CSNK1E: variants seen among roughly 807,000 people sequenced by gnomAD.
The protein encoded by CSNK1E is casein kinase 1 epsilon.
In CSNK1E, 17 loss-of-function variants were observed where a neutral mutation model predicts 46.1. The observed-to-expected ratio is 0.37, with a 90% CI of 0.25 to 0.55. The LOEUF is 0.55. CSNK1E is among the 20% of genes least tolerant of loss of function. The pLI is 0.82. For synonymous variants in CSNK1E, 241 were observed against 242.6 expected (o/e 0.99, Z 0.06); for missense variants, 386 against 595.4 (o/e 0.65, Z 3.66).
chr22:38,296,375 G>A, intron 7 of CSNK1E: 2 of 1,394,216 alleles, frequency 1.4e-6, no homozygotes, highest in Non-Finnish European at 9.3e-7. Flanking sequence ...GTGGCTTCCA[G>A]GCCCCAGGGA....
intron 4 of CSNK1E, among the ~76,000 whole-genome samples, chr22:38,301,534 G>A (rs1427186593): frequency 6.6e-6 from 1 of 152,122 alleles, no homozygotes; most frequent in Non-Finnish European, 1.5e-5. Flanking sequence ...CAGGGTTCAA[G>A]TGATTTTCCT....
intron 2 of CSNK1E, 114 bp downstream of exon 2, chr22:38,313,968 A>C: frequency 1.0e-6 from 1 of 988,690 alleles, no homozygotes; most frequent in Non-Finnish European, 1.6e-6. Context: ...CCCTGGGGCA[A>C]ATCATGCCCC....
At chr22:38,296,337 C>T (rs1313169495) in intron 7 of CSNK1E, 10 of 1,351,044 alleles carry the variant, frequency 7.4e-6, no homozygotes, top group Middle Eastern at 2.7e-4. Flanking sequence ...GACTGGACCT[C>T]GGAACACAGT....
chr22:38,315,727 G>A (rs2041097575), intron 1 of CSNK1E, among the ~76,000 whole-genome samples: 1 of 149,260 alleles, frequency 6.7e-6, no homozygotes, highest in African/African-American at 2.5e-5. Context: ...CAGGAAACCC[G>A]CAGGTTAGGA....
chr22:38,312,358 T>A lies in CSNK1E; in HGVS notation c.76+1724A>T, dbSNP rs571072144. ...TGTCTGTCTTGGCTTCCCAAAGTGC[T>A]GGCGTTACAGGTGTGAGCCACCGCA... is the stretch of plus-strand genomic sequence containing the variant. On this transcript the variant is annotated intron_variant, in intron 2 of 10. Transcript: ENST00000396832. Among the ~76,000 whole-genome samples, 4 of 152,388 alleles carry A rather than the reference T, an allele frequency of 2.6e-5. No individual in the cohort carries two copies. In the South Asian group the frequency reaches 8.3e-4, roughly 32 times the overall value.
In CSNK1E at chr22:38,290,829, C is replaced by G. The variant is rs955298301; in HGVS notation, c.*1142G>C. ...TTTTTTTTTTCAGTTTTTTAAATTA[C>G]AAAGTAATAAAAAGCTTTGCTCTTT... On this transcript the variant is annotated 3_prime_UTR_variant, in exon 11 of 11. Coordinates refer to ENST00000396832, the MANE Select transcript of CSNK1E (RefSeq NM_152221.3). 9.4e-6 allele frequency: 1 copy of G among 106,142 alleles called. No individual in the cohort carries two copies. The highest frequency in any genetic ancestry group is 2.0e-5 in the Non-Finnish European group (1 of 49,822). The allele number at this position is 106,142 out of a possible 1,614,324, so 6.6% of individuals were successfully genotyped here.
intron 10 of CSNK1E, chr22:38,292,937 C>T: frequency 2.6e-6 from 1 of 380,578 alleles, no homozygotes; most frequent in Non-Finnish European, 4.9e-6. Flanking sequence ...GAGCCCATGG[C>T]CCCGTCTCTG....
chr22:38,293,439 AC>A, intron 9 of CSNK1E, 120 bp from the exon 10 acceptor site: 1 of 639,784 alleles, frequency 1.6e-6, no homozygotes, highest in Non-Finnish European at 2.8e-6. Context: ...GAGGAGGTGT[AC>A]CCCCACCCCC....
chr22:38,293,618 G>A (rs1004876743), intron 9 of CSNK1E, among the ~76,000 whole-genome samples: 21 of 152,106 alleles, frequency 1.4e-4, no homozygotes, highest in Non-Finnish European at 2.8e-4. Flanking sequence ...CAGGCAGGAG[G>A]ACGAGGGCAG....
At position 38,293,334 on chromosome 22, in the gene CSNK1E, G is replaced by A. The variant is rs569420536; in HGVS notation, c.1219-15C>T. ...GGCACACTTGTCTTTTGAGGGTGGG[G>A]AGGGAGAGAGGGGGAGGGAGAGAGA... On this transcript the variant is annotated splice_polypyrimidine_tract_variant and intron_variant, in intron 9 of 10. Transcript: ENST00000396832. 1.3e-6 allele frequency: 2 copies of A among 1,551,228 alleles called. No homozygotes were observed. The highest frequency in any genetic ancestry group is 1.1e-5 in the South Asian group (1 of 89,646).
chr22:38,295,360 T>C lies in CSNK1E; in HGVS notation c.886-826A>G, dbSNP rs1282593896. The stretch of plus-strand genomic sequence containing the variant: ...TGAGAAGGGGCCAGAGAAGAGCATA[T>C]GTGGGGGCAGCGCCCGACTGCGTTA... On this transcript the variant is annotated intron_variant, in intron 7 of 10. Coordinates refer to ENST00000396832, the MANE Select transcript of CSNK1E (RefSeq NM_152221.3). The C allele has an allele frequency of 5.2e-6, 5 of 955,752 alleles. No individual in the cohort carries two copies. In the African/African-American group the frequency reaches 5.3e-5, roughly 10 times the overall value. 59.2% of individuals were successfully genotyped at this position (955,752 alleles called of 1,614,324 possible).
intron 1 of CSNK1E, among the ~76,000 whole-genome samples, chr22:38,315,244 G>A (rs1410078027): frequency 2.6e-5 from 4 of 152,244 alleles, no homozygotes; most frequent in Non-Finnish European, 5.9e-5. Context: ...TGCTGGCACA[G>A]AAGATCAGCC....
At chr22:38,304,414 G>T (rs1022715606) in intron 2 of CSNK1E, among the ~76,000 whole-genome samples, 19 of 152,220 alleles carry the variant, frequency 1.2e-4, no homozygotes, top group Non-Finnish European at 5.9e-5. Context: ...AGGTGTGGGT[G>T]TGAGTTGGCA....
At chr22:38,299,718 C>T (rs981124566) in intron 6 of CSNK1E, among the ~76,000 whole-genome samples, 177 bp downstream of exon 6, 1 of 152,262 alleles carries the variant, frequency 6.6e-6, no homozygotes, top group African/African-American at 2.4e-5. Flanking sequence ...CCATGTTACT[C>T]AGGCTGGTCT....
rs1373680461 is a variant in CSNK1E, at chr22:38,303,252, C to T, written c.77-4G>A. On this transcript the variant is annotated splice_polypyrimidine_tract_variant and splice_region_variant and intron_variant, in intron 2 of 10. Coordinates refer to ENST00000396832, the MANE Select transcript of CSNK1E (RefSeq NM_152221.3). The surrounding 1 kb of genome is among the most constrained non-coding windows in gnomAD (Gnocchi z 4.7). ...TCACCAGAGGCGATGTTGGCACCTGCCCGGGGCAGGGAGGCAAGGGACCAG... is the reference window on the plus strand; with the variant it reads ...TCACCAGAGGCGATGTTGGCACCTGTCCGGGGCAGGGAGGCAAGGGACCAG... 3 of 1,596,434 alleles carry T rather than the reference C, an allele frequency of 1.9e-6. No homozygotes were observed. Among genetic ancestry groups the T allele is most frequent in the Admixed American group, 3.4e-5 (2 of 58,394 alleles).
At chr22:38,299,491 G>T (rs1339158730) in intron 6 of CSNK1E, among the ~76,000 whole-genome samples, 1 of 152,240 alleles carries the variant, frequency 6.6e-6, no homozygotes, top group African/African-American at 2.4e-5. Context: ...TACTGCTCAG[G>T]TGCCAAGGGC....
At chr22:38,299,081 T>G in intron 6 of CSNK1E, 147 bp from the exon 7 acceptor site, 1 of 839,814 alleles carries the variant, frequency 1.2e-6, no homozygotes, top group Non-Finnish European at 1.9e-6. Flanking sequence ...AGCCATGGCC[T>G]TCCCTATCCT....
At chr22:38,315,656 C>CT (rs893000580) in intron 1 of CSNK1E, among the ~76,000 whole-genome samples, 3 of 149,368 alleles carry the variant, frequency 2.0e-5, no homozygotes, top group Non-Finnish European at 3.0e-5. Flanking sequence ...TGCACGCAAC[C>CT]CCCCCCCAAC....
At chr22:38,297,901 G>A (rs1027230903) in intron 7 of CSNK1E, 37 of 1,067,788 alleles carry the variant, frequency 3.5e-5, no homozygotes, top group Non-Finnish European at 4.1e-5. Flanking sequence ...TGGGGCCCTG[G>A]AGTCCAGACC....
Sources: allele counts gnomAD v4.1 joint callset (sites outside exome capture counted in the v4.1 genomes callset), GRCh38; gene constraint gnomAD v4.1.1; non-coding constraint Gnocchi (gnomAD v3.1); transcripts MANE v1.5; gene names NCBI Gene and HGNC (gene_info 2026-07-23, HGNC 2026-07-21).